DPP6: variants seen among roughly 807,000 people sequenced by gnomAD.
DPP6 encodes dipeptidyl peptidase like 6.
DPP6 carries 69 observed loss-of-function variants against 122.6 expected under a neutral mutation model. The observed-to-expected ratio is 0.56, with a 90% confidence interval of 0.46 to 0.69. The LOEUF is 0.69. Ranked by LOEUF, DPP6 falls within the 30% of genes least tolerant of loss-of-function variation. DPP6 has a pLI of 0.00. For missense variants in DPP6, 928 were observed against 1,116.9 expected (o/e 0.83, Z 2.41); for synonymous variants, 418 against 433.1 (o/e 0.97, Z 0.43).
At chr7:154,166,360 C>T (rs1797247939) in intron 1 of DPP6, among the ~76,000 whole-genome samples, 1 of 152,086 alleles carries the variant, frequency 6.6e-6, no homozygotes, top group South Asian at 2.1e-4. Context: ...CGTGAGCCAT[C>T]CTTCTCAGAG....
intron 1 of DPP6, among the ~76,000 whole-genome samples, chr7:153,970,997 A>G (rs1258375559): frequency 6.6e-6 from 1 of 152,200 alleles, no homozygotes; most frequent in Non-Finnish European, 1.5e-5. Flanking sequence ...AAATTTTAGA[A>G]TAAGTTTGAC....
intron 6 of DPP6, among the ~76,000 whole-genome samples, chr7:154,647,279 C>T (rs1407064741): frequency 6.6e-6 from 1 of 152,160 alleles, no homozygotes; most frequent in Admixed American, 6.5e-5. Context: ...CTGGCCTGCT[C>T]GCCCCTTTAC....
intron 4 of DPP6, among the ~76,000 whole-genome samples, chr7:154,556,292 G>T (rs912339071): frequency 6.6e-6 from 1 of 152,130 alleles, no homozygotes; most frequent in African/African-American, 2.4e-5. Flanking sequence ...ATAGTGAATG[G>T]TATAAACAGG....
intron 8 of DPP6, among the ~76,000 whole-genome samples, chr7:154,750,594 G>A (rs1298245302): frequency 6.6e-6 from 1 of 152,224 alleles, no homozygotes; most frequent in Non-Finnish European, 1.5e-5. Flanking sequence ...GCTGAAGGGT[G>A]GCGGGGGTCG....
the DPP6 span, among the ~76,000 whole-genome samples, chr7:153,875,089 T>G: frequency 6.6e-6 from 1 of 152,108 alleles, no homozygotes; most frequent in Non-Finnish European, 1.5e-5. Context: ...TTCTGAAAAC[T>G]GAAGACAAGA....
At chr7:154,415,156 C>T (rs1003703285) in intron 1 of DPP6, among the ~76,000 whole-genome samples, 1 of 152,154 alleles carries the variant, frequency 6.6e-6, no homozygotes, top group African/African-American at 2.4e-5. Context: ...CACCACACAC[C>T]TGAAACCCTT....
intron 1 of DPP6, among the ~76,000 whole-genome samples, chr7:153,960,926 A>G (rs1205769153): frequency 1.3e-5 from 2 of 152,084 alleles, no homozygotes; most frequent in African/African-American, 2.4e-5. Flanking sequence ...CTGTTCTCCA[A>G]CCTTCCTAAA....
chr7:154,620,912 T>C (rs7777786), intron 5 of DPP6, among the ~76,000 whole-genome samples: 3,932 of 152,324 alleles, frequency 0.026, 169 homozygotes, highest in African/African-American at 0.089. Flanking sequence ...TCAAAATAGC[T>C]TCAAACTTCA....
At chr7:153,768,852 C>A in the DPP6 span, among the ~76,000 whole-genome samples, 1 of 152,148 alleles carries the variant, frequency 6.6e-6, no homozygotes, top group Non-Finnish European at 1.5e-5. Flanking sequence ...ACAATTTTAA[C>A]AACAACAAAT....
intron 1 of DPP6, among the ~76,000 whole-genome samples, chr7:153,930,455 G>A (rs1801120550): frequency 6.6e-6 from 1 of 152,000 alleles, no homozygotes; most frequent in South Asian, 2.1e-4. Context: ...GTATTGTATT[G>A]TATTGTATTA....
At chr7:153,754,082 G>A in the DPP6 span, among the ~76,000 whole-genome samples, 1 of 152,078 alleles carries the variant, frequency 6.6e-6, no homozygotes, top group Non-Finnish European at 1.5e-5. Flanking sequence ...TACACTTTGT[G>A]GAAATTTAAT....
chr7:154,395,229 C>T (rs1158153878), intron 1 of DPP6, among the ~76,000 whole-genome samples: 1 of 152,136 alleles, frequency 6.6e-6, no homozygotes, highest in Non-Finnish European at 1.5e-5. Flanking sequence ...GAACATTCTG[C>T]CTTCTTGACC....
At chr7:154,299,395 G>A (rs1805754242) in intron 1 of DPP6, among the ~76,000 whole-genome samples, 1 of 152,224 alleles carries the variant, frequency 6.6e-6, no homozygotes, top group African/African-American at 2.4e-5. Flanking sequence ...AATGTCTGAG[G>A]TGACAGTGAG....
chr7:154,244,779 C>A (rs1801865007), intron 1 of DPP6, among the ~76,000 whole-genome samples: 1 of 151,714 alleles, frequency 6.6e-6, no homozygotes, highest in South Asian at 2.1e-4. Context: ...GAAATTAGAA[C>A]AAGAGGAATA....
At chr7:154,598,980 G>A (rs570671565) in intron 5 of DPP6, among the ~76,000 whole-genome samples, 1 of 152,258 alleles carries the variant, frequency 6.6e-6, no homozygotes, top group East Asian at 1.9e-4. Flanking sequence ...CCTGGGGAGA[G>A]CTTGCTATTG....
intron 1 of DPP6, among the ~76,000 whole-genome samples, chr7:154,158,658 G>C (rs527261132): frequency 6.6e-6 from 1 of 152,042 alleles, no homozygotes; most frequent in African/African-American, 2.4e-5. Flanking sequence ...GGTGGTATCT[G>C]TCTGCCTCAG....
the DPP6 span, among the ~76,000 whole-genome samples, chr7:153,796,957 G>A: frequency 6.6e-6 from 1 of 152,184 alleles, no homozygotes; most frequent in South Asian, 2.1e-4. Context: ...ACTATGGCTT[G>A]TTTTGCCTCT....
chr7:153,907,389 T>G (rs12533907), intron 1 of DPP6, among the ~76,000 whole-genome samples: 372 of 152,290 alleles, frequency 2.4e-3, no homozygotes, highest in Middle Eastern at 6.8e-3. Flanking sequence ...CTGGCATTCA[T>G]CCAGAAGAGA....
chr7:154,299,965 T>C (rs763750266), intron 1 of DPP6, among the ~76,000 whole-genome samples: 3 of 152,094 alleles, frequency 2.0e-5, no homozygotes, highest in Non-Finnish European at 4.4e-5. Context: ...CTCAGACACA[T>C]CTGGAGGGGG....
Sources: gnomAD v4.1 joint callset for allele counts (sites outside exome capture counted in the v4.1 genomes callset) on GRCh38, gnomAD v4.1.1 for gene constraint, MANE v1.5 for transcripts, NCBI Gene and HGNC (gene_info 2026-07-23, HGNC 2026-07-21) for gene names.